Variants in KCNMA1 observed in about 807,000 individuals in gnomAD.
KCNMA1 encodes the protein Calcium-activated potassium channel subunit alpha-1.
In KCNMA1, 29 loss-of-function variants were observed where a neutral mutation model predicts 140.0. The ratio of observed to expected loss-of-function variants is 0.21; its 90% CI spans 0.15 to 0.28. The LOEUF (loss-of-function observed/expected upper bound fraction) is 0.28, where lower values mean the gene tolerates loss of function less well. Among genes scored for constraint, KCNMA1 ranks in the 10% least tolerant of loss-of-function variants. The probability of loss-of-function intolerance (pLI) is 1.00; values close to 1 mark genes in which losing one functional copy is unlikely to be tolerated. For missense variants in KCNMA1, 880 were observed against 1,602.2 expected (o/e 0.55, Z 7.70); for synonymous variants, 612 against 611.9 (o/e 1.00, Z 0.00).
chr10:77,117,535 A>G, intron 6 of KCNMA1, among the ~76,000 whole-genome samples: 1 of 100,820 alleles, frequency 9.9e-6, no homozygotes, highest in Non-Finnish European at 2.0e-5. Context: ...GCAAGAGTCT[A>G]TCTCAAAAAA....
At chr10:77,599,506 G>C (rs2081977272) in intron 1 of KCNMA1, among the ~76,000 whole-genome samples, 1 of 152,148 alleles carries the variant, frequency 6.6e-6, no homozygotes, top group Admixed American at 6.5e-5. Flanking sequence ...GAATAAGAGA[G>C]GTGATAGTGG....
intron 3 of KCNMA1, among the ~76,000 whole-genome samples, chr10:77,222,827 T>G (rs2050119182): frequency 6.6e-6 from 1 of 152,250 alleles, no homozygotes; most frequent in Admixed American, 6.5e-5. Context: ...TGAAGCTGAT[T>G]GCCATTCTCT....
chr10:77,172,702 C>CA (rs60848414), intron 5 of KCNMA1, among the ~76,000 whole-genome samples: 17,102 of 146,066 alleles, frequency 0.12, 1,266 homozygotes, highest in African/African-American at 0.22. Flanking sequence ...CAAAAAAAAA[C>CA]AAAAAAAAAA....
intron 5 of KCNMA1, among the ~76,000 whole-genome samples, chr10:77,147,148 G>A (rs537509164): frequency 6.6e-6 from 1 of 152,222 alleles, no homozygotes; most frequent in South Asian, 2.1e-4. Context: ...TGTGTGACTT[G>A]AAACAGGGAA....
chr10:77,037,121 A>C (rs1040827249), intron 15 of KCNMA1, among the ~76,000 whole-genome samples: 3 of 152,184 alleles, frequency 2.0e-5, no homozygotes, highest in Admixed American at 6.5e-5. Flanking sequence ...AATCAATCAA[A>C]GGGAATATTC....
At chr10:76,985,072 A>T (rs535217964) in intron 19 of KCNMA1, among the ~76,000 whole-genome samples, 1 of 152,312 alleles carries the variant, frequency 6.6e-6, no homozygotes, top group East Asian at 1.9e-4. Context: ...CTATGCATAA[A>T]TACACAGCAG....
intron 23 of KCNMA1, among the ~76,000 whole-genome samples, chr10:76,930,717 C>T (rs2059053069): frequency 6.6e-6 from 1 of 152,100 alleles, no homozygotes; most frequent in Admixed American, 6.6e-5. Context: ...ATATAGAAAC[C>T]ACTGGTGTCC....
chr10:77,348,608 CG>C (rs1280405402), intron 2 of KCNMA1, among the ~76,000 whole-genome samples: 2 of 152,298 alleles, frequency 1.3e-5, no homozygotes, highest in East Asian at 3.9e-4. Context: ...TGCTGGGATC[CG>C]TCTTGAAAGA....
At chr10:76,897,634 A>G (rs185106745) in intron 25 of KCNMA1, among the ~76,000 whole-genome samples, 2 of 152,208 alleles carry the variant, frequency 1.3e-5, no homozygotes, top group East Asian at 3.9e-4. Context: ...ATAATTTTAA[A>G]CCCTTAGTAA....
intron 1 of KCNMA1, among the ~76,000 whole-genome samples, chr10:77,474,526 G>A (rs765232348): frequency 2.2e-4 from 34 of 152,218 alleles, no homozygotes; most frequent in Non-Finnish European, 4.0e-4. Context: ...CTAGCAGGGT[G>A]AGAAGGTAAC....
chr10:77,307,480 T>C (rs1329431342), intron 2 of KCNMA1, among the ~76,000 whole-genome samples: 1 of 152,154 alleles, frequency 6.6e-6, no homozygotes, highest in Non-Finnish European at 1.5e-5. Context: ...AGGTGTTGGG[T>C]TAGATAATTT....
At chr10:77,400,756 T>C (rs1459509284) in intron 2 of KCNMA1, among the ~76,000 whole-genome samples, 1 of 152,120 alleles carries the variant, frequency 6.6e-6, no homozygotes, top group Non-Finnish European at 1.5e-5. Context: ...AATAAGGAGA[T>C]ACGGAAGAAA....
At position 77,637,190 on chromosome 10, in the gene KCNMA1, G is replaced by T; in HGVS notation, c.378+75C>A. 2.9e-6 allele frequency: 4 copies of T among 1,383,220 alleles called. No homozygotes were observed. The South Asian group carries it at 5.3e-5, about 18-fold the overall frequency. The allele number at this position is 1,383,220 out of a possible 1,614,324, so 85.7% of individuals were successfully genotyped here. A position where few individuals can be genotyped will look rare whatever the true frequency, so the allele number is the denominator to read the frequency against. On this transcript the variant is annotated intron_variant, in intron 1 of 27. Transcript: ENST00000286628. ...AGGGAGGCACGGCGCGGCGCGGAGC[G>T]AGGAGGTGGGCTGCAGGGGACGCCG...
chr10:77,591,042 A>G lies in KCNMA1; in HGVS notation c.378+46223T>C, dbSNP rs905360322. Reference sequence around the variant, plus strand: ...AACACCTCATATGGTGCCAGCAGACAGCGAGCAAGGCCCAGGCAGATAAAC... The same window carrying G: ...AACACCTCATATGGTGCCAGCAGACGGCGAGCAAGGCCCAGGCAGATAAAC... On this transcript the variant is annotated intron_variant, in intron 1 of 27. Transcript: ENST00000286628. 3.3e-5 allele frequency among the ~76,000 whole-genome samples: 5 copies of G among 152,220 alleles called. No homozygotes were observed. In the East Asian group the frequency reaches 7.7e-4, roughly 24 times the overall value.
intron 1 of KCNMA1, among the ~76,000 whole-genome samples, chr10:77,516,752 C>T (rs967871979): frequency 3.9e-5 from 6 of 152,312 alleles, no homozygotes; most frequent in African/African-American, 1.2e-4. Context: ...TGCTGCAAAG[C>T]AGGTGAAGGG....
chr10:77,293,910 T>A (rs1390939822), intron 2 of KCNMA1, among the ~76,000 whole-genome samples: 1 of 152,214 alleles, frequency 6.6e-6, no homozygotes, highest in Non-Finnish European at 1.5e-5. Flanking sequence ...CTGTACACAG[T>A]TTTTCTCTAA....
intron 2 of KCNMA1, among the ~76,000 whole-genome samples, chr10:77,350,965 C>A (rs1362141383): frequency 6.6e-6 from 1 of 152,204 alleles, no homozygotes; most frequent in African/African-American, 2.4e-5. Context: ...TCTCTCCCTG[C>A]AGTCCCAACT....
At chr10:77,059,143 T>G (rs1295817739) in intron 14 of KCNMA1, among the ~76,000 whole-genome samples, 3 of 151,980 alleles carry the variant, frequency 2.0e-5, no homozygotes, top group Non-Finnish European at 4.4e-5. Flanking sequence ...TTGTCACAAC[T>G]CACCCAAGAT....
At chr10:76,925,531 A>G (rs1051901160) in intron 23 of KCNMA1, among the ~76,000 whole-genome samples, 1 of 152,168 alleles carries the variant, frequency 6.6e-6, no homozygotes, top group Non-Finnish European at 1.5e-5. Flanking sequence ...TTTTGTTTCC[A>G]TTACATCAAT....
Sources: gnomAD v4.1 joint callset for allele counts (sites outside exome capture counted in the v4.1 genomes callset) on GRCh38, gnomAD v4.1.1 for gene constraint, MANE v1.5 for transcripts, NCBI Gene and HGNC (gene_info 2026-07-23, HGNC 2026-07-21) for gene names.